The following ANKFN1 variants were observed in gnomAD, a reference collection of about 807,000 sequenced individuals.
The protein encoded by ANKFN1 is ankyrin repeat and fibronectin type-III domain-containing protein 1.
In ANKFN1, 74 loss-of-function variants were observed where a neutral mutation model predicts 108.7. The ratio of observed to expected loss-of-function variants is 0.68; its 90% confidence interval spans 0.56 to 0.83. The LOEUF (loss-of-function observed/expected upper bound fraction) is 0.83, where lower values mean the gene tolerates loss of function less well. ANKFN1 is among the 40% of genes least tolerant of loss of function. ANKFN1 has a pLI of 0.00. For missense variants in ANKFN1, 1,505 were observed against 1,382.3 expected (o/e 1.09, Z -1.41); for synonymous variants, 547 against 516.2 (o/e 1.06, Z -0.81).
At chr17:56,373,677 G>C (rs11079226) in intron 7 of ANKFN1, among the ~76,000 whole-genome samples, 83,909 of 152,066 alleles carry the variant, frequency 0.55, 27,292 homozygotes, top group East Asian at 0.96. Context: ...CCAAATCTAG[G>C]CCTAATCCTT....
At chr17:56,455,848 A>G (rs1405684247) in intron 11 of ANKFN1, among the ~76,000 whole-genome samples, 2 of 152,200 alleles carry the variant, frequency 1.3e-5, no homozygotes, top group African/African-American at 4.8e-5. Flanking sequence ...TGTCCAATTA[A>G]TGAATGTCTG....
At chr17:56,266,729 C>T (rs937714886) in intron 3 of ANKFN1, among the ~76,000 whole-genome samples, 6 of 151,930 alleles carry the variant, frequency 3.9e-5, no homozygotes, top group Admixed American at 6.6e-5. Flanking sequence ...TGTTAAAGAC[C>T]GTGTAATTCA....
chr17:56,057,354 T>C (rs1311359523), intron 4 of ANKFN1, among the ~76,000 whole-genome samples: 1 of 152,222 alleles, frequency 6.6e-6, no homozygotes, highest in Non-Finnish European at 1.5e-5. Context: ...GGGGAATCCT[T>C]TCCAGAAGAC....
rs769543227 is a variant in ANKFN1, at chr17:56,480,862, G to A, written c.2091+44G>A. The A allele has an allele frequency of 3.8e-6, 6 of 1,581,364 alleles. No individual in the cohort carries two copies. The South Asian group carries it at 5.5e-5, about 15-fold the overall frequency. On this transcript the variant is annotated intron_variant, in intron 17 of 20. Coordinates refer to ENST00000682825, the MANE Select transcript of ANKFN1 (RefSeq NM_001370326.1). The stretch of plus-strand genomic sequence containing the variant: ...TTTATCTTCTTTTTTTATGGCTCAT[G>A]GAAACTGCATTGTAACATTAAGTGG...
At chr17:56,047,344 C>T (rs1904696702) in intron 4 of ANKFN1, among the ~76,000 whole-genome samples, 1 of 149,806 alleles carries the variant, frequency 6.7e-6, no homozygotes, top group South Asian at 2.1e-4. Context: ...TAGTTCATCT[C>T]CAAGAGAGGG....
At chr17:56,170,399 T>C (rs1202665102) in intron 1 of ANKFN1, among the ~76,000 whole-genome samples, 10 of 152,142 alleles carry the variant, frequency 6.6e-5, no homozygotes, top group Non-Finnish European at 1.0e-4. Flanking sequence ...GCAGACAGGT[T>C]GCTGGAGCTA....
chr17:56,086,930 C>T (rs1458105248), intron 4 of ANKFN1, among the ~76,000 whole-genome samples: 1 of 151,382 alleles, frequency 6.6e-6, no homozygotes, highest in Non-Finnish European at 1.5e-5. Flanking sequence ...CATTATAATT[C>T]TGCCAGGGGG....
chr17:56,167,901 G>T (rs1252661520), intron 1 of ANKFN1, among the ~76,000 whole-genome samples: 2 of 152,130 alleles, frequency 1.3e-5, no homozygotes, highest in Admixed American at 1.3e-4. Flanking sequence ...CCCAACCTCA[G>T]TGGGCCTGGA....
intron 3 of ANKFN1, among the ~76,000 whole-genome samples, chr17:56,253,514 G>C (rs1163504133): frequency 6.6e-6 from 1 of 152,186 alleles, no homozygotes; most frequent in Non-Finnish European, 1.5e-5. Context: ...AAGGCAAACA[G>C]ATCATTTGAG....
At chr17:56,168,004 C>A (rs372296381) in intron 1 of ANKFN1, among the ~76,000 whole-genome samples, 24 of 152,258 alleles carry the variant, frequency 1.6e-4, no homozygotes, top group African/African-American at 5.3e-4. Flanking sequence ...TGGTGGCTCA[C>A]ACCTGTAATG....
chr17:56,102,827 C>T (rs1295286055), intron 4 of ANKFN1, among the ~76,000 whole-genome samples: 1 of 152,212 alleles, frequency 6.6e-6, no homozygotes. Flanking sequence ...GATCCTCCTG[C>T]CTTGACCTCT....
rs771280792 is a variant in ANKFN1 at position 56,347,902 on chromosome 17, G to T, written c.189-2864G>T. Among the ~76,000 whole-genome samples, 7 of 152,026 alleles carry T rather than the reference G, an allele frequency of 4.6e-5. 1 individual carries two copies. In the South Asian group the frequency reaches 1.0e-3, roughly 23 times the overall value. ...TAGCTGGAATTTGATCAATAGACAA[G>T]AATTTATTTACTGGACTTCTGGGCA... On this transcript the variant is annotated intron_variant, in intron 4 of 20. Coordinates refer to ENST00000682825, the MANE Select transcript of ANKFN1 (RefSeq NM_001370326.1).
At chr17:56,422,333 T>C (rs1441627715) in intron 8 of ANKFN1, among the ~76,000 whole-genome samples, 1 of 152,220 alleles carries the variant, frequency 6.6e-6, no homozygotes, top group Non-Finnish European at 1.5e-5. Flanking sequence ...GACCATGTGG[T>C]TTTATACCAA....
chr17:56,288,546 CAAT>C (rs1208610767), intron 3 of ANKFN1, among the ~76,000 whole-genome samples: 4 of 151,842 alleles, frequency 2.6e-5, no homozygotes, highest in Non-Finnish European at 4.4e-5. Context: ...ATGTTGGAGA[CAAT>C]GATGATAGTA....
chr17:56,189,170 C>CATT (rs1555607722), intron 1 of ANKFN1, among the ~76,000 whole-genome samples: 5 of 85,288 alleles, frequency 5.9e-5, no homozygotes, highest in Non-Finnish European at 9.6e-5. Flanking sequence ...GTTGCCCTGA[C>CATT]TTTTTTTTTT....
At chr17:56,422,640 T>A (rs1169602768) in intron 8 of ANKFN1, among the ~76,000 whole-genome samples, 1 of 152,234 alleles carries the variant, frequency 6.6e-6, no homozygotes. Context: ...ACTTTTTTTT[T>A]ATTTTAAGCC....
intron 8 of ANKFN1, among the ~76,000 whole-genome samples, chr17:56,416,497 C>A (rs1366021197): frequency 6.6e-6 from 1 of 152,160 alleles, no homozygotes; most frequent in African/African-American, 2.4e-5. Context: ...ATCAAAACTC[C>A]CATGAGATTA....
intron 4 of ANKFN1, among the ~76,000 whole-genome samples, chr17:56,054,601 A>G (rs758416489): frequency 1.3e-5 from 2 of 152,378 alleles, no homozygotes; most frequent in Non-Finnish European, 2.9e-5. Flanking sequence ...ATCAATGTAT[A>G]TACCTGAATT....
intron 1 of ANKFN1, among the ~76,000 whole-genome samples, chr17:56,162,951 C>T (rs1196885393): frequency 6.6e-6 from 1 of 151,556 alleles, no homozygotes; most frequent in East Asian, 2.0e-4. Context: ...AGGAGAAGAG[C>T]TTGAACCCTG....
Sources: gnomAD v4.1 joint callset for allele counts (sites outside exome capture counted in the v4.1 genomes callset) on GRCh38, gnomAD v4.1.1 for gene constraint, MANE v1.5 for transcripts, NCBI Gene and HGNC (gene_info 2026-07-23, HGNC 2026-07-21) for gene names.